The following KCNH5 variants were observed in gnomAD, a reference collection of about 807,000 sequenced individuals.
The protein encoded by KCNH5 is voltage-gated delayed rectifier potassium channel KCNH5.
KCNH5 carries 46 observed loss-of-function variants against 96.1 expected under a neutral mutation model. That is an observed-to-expected ratio of 0.48 (90% CI 0.38 to 0.61). The LOEUF is 0.61. Among genes scored for constraint, KCNH5 ranks in the 20% least tolerant of loss-of-function variants. The pLI, the probability that KCNH5 is intolerant of heterozygous loss-of-function variation, is 0.00. For synonymous variants in KCNH5, 439 were observed against 449.8 expected (o/e 0.98, Z 0.30); for missense variants, 907 against 1,225.8 (o/e 0.74, Z 3.88).
At chr14:62,884,519 G>T (rs1487671553) in intron 7 of KCNH5, among the ~76,000 whole-genome samples, 2 of 152,150 alleles carry the variant, frequency 1.3e-5, no homozygotes, top group Non-Finnish European at 2.9e-5. Flanking sequence ...TCAGCAACTT[G>T]AGAGGCTGAG....
chr14:63,013,329 CT>C (rs1321032228), intron 2 of KCNH5, among the ~76,000 whole-genome samples: 1 of 151,996 alleles, frequency 6.6e-6, no homozygotes, highest in Non-Finnish European at 1.5e-5. Context: ...AAAAATGATT[CT>C]TTTTTCTGAG....
At chr14:62,790,251 A>G (rs537367182) in intron 9 of KCNH5, among the ~76,000 whole-genome samples, 26 of 151,810 alleles carry the variant, frequency 1.7e-4, no homozygotes, top group African/African-American at 5.8e-4. Flanking sequence ...GTTCTGTTCT[A>G]CTGCTCCGTG....
At chr14:62,821,521 T>C (rs60265664) in intron 8 of KCNH5, among the ~76,000 whole-genome samples, 2,065 of 152,220 alleles carry the variant, frequency 0.014, 44 homozygotes, top group African/African-American at 0.047. Context: ...CTATCATCTT[T>C]TTGAAAGAGC....
chr14:62,754,625 C>A (rs1459331104), intron 10 of KCNH5, among the ~76,000 whole-genome samples: 1 of 151,966 alleles, frequency 6.6e-6, no homozygotes, highest in East Asian at 1.9e-4. Context: ...ATAATCCTAG[C>A]ACTTTGGGAG....
chr14:62,887,499 T>C (rs1888621016), intron 7 of KCNH5, among the ~76,000 whole-genome samples: 1 of 152,070 alleles, frequency 6.6e-6, no homozygotes, highest in Non-Finnish European at 1.5e-5. Context: ...TTGTGTATAT[T>C]TAACAAAAGA....
At chr14:62,884,557 C>T (rs1056844103) in intron 7 of KCNH5, among the ~76,000 whole-genome samples, 9 of 152,098 alleles carry the variant, frequency 5.9e-5, no homozygotes, top group Non-Finnish European at 1.2e-4. Context: ...ACCCGGGAGG[C>T]GGAGGTTGCA....
chr14:63,014,155 A>T lies in KCNH5; in HGVS notation c.197+2676T>A, dbSNP rs191162474. Among the ~76,000 whole-genome samples, 185 of 152,304 alleles carry T rather than the reference A, an allele frequency of 1.2e-3. 1 individual carries two copies. Among genetic ancestry groups the T allele is most frequent in the African/African-American group, 4.4e-3 (182 of 41,562 alleles). Reference sequence around the variant, plus strand: ...TTTGAAAACACTGTCTCTGATAAGTAAAGACAATTTGGGGAAAGACTCAAA... The same window carrying T: ...TTTGAAAACACTGTCTCTGATAAGTTAAGACAATTTGGGGAAAGACTCAAA... On this transcript the variant is annotated intron_variant, in intron 2 of 10. Coordinates refer to ENST00000322893, the MANE Select transcript of KCNH5 (RefSeq NM_139318.5).
chr14:62,896,087 A>G (rs1004579853), intron 7 of KCNH5, among the ~76,000 whole-genome samples: 5 of 152,222 alleles, frequency 3.3e-5, no homozygotes, highest in Non-Finnish European at 7.3e-5. Flanking sequence ...ATATATGTCC[A>G]GAAGCAGGGA....
chr14:62,789,392 G>C (rs553064216), intron 9 of KCNH5, among the ~76,000 whole-genome samples: 1 of 152,026 alleles, frequency 6.6e-6, no homozygotes, highest in South Asian at 2.1e-4. Flanking sequence ...AATAAACATG[G>C]GGGTGCAGAT....
intron 10 of KCNH5, among the ~76,000 whole-genome samples, chr14:62,760,813 C>T (rs1704187609): frequency 6.6e-6 from 1 of 152,198 alleles, no homozygotes; most frequent in Admixed American, 6.5e-5. Context: ...CACCTCCCAG[C>T]TGGGGAATAA....
intron 3 of KCNH5, among the ~76,000 whole-genome samples, chr14:63,003,017 T>A (rs1891039703): frequency 6.6e-6 from 1 of 152,006 alleles, no homozygotes; most frequent in Non-Finnish European, 1.5e-5. Flanking sequence ...CACAGTAAGC[T>A]TGAGGCAGAA....
intron 3 of KCNH5, among the ~76,000 whole-genome samples, chr14:63,003,731 T>C (rs1891073293): frequency 6.8e-6 from 1 of 147,850 alleles, no homozygotes; most frequent in Non-Finnish European, 1.5e-5. Flanking sequence ...GCCATTCTCC[T>C]GCCTCAGACT....
At chr14:62,985,539 G>T (rs116337451) in intron 5 of KCNH5, among the ~76,000 whole-genome samples, 61 of 152,268 alleles carry the variant, frequency 4.0e-4, no homozygotes, top group African/African-American at 1.4e-3. Flanking sequence ...TTTTGTGAGT[G>T]CAAACGTAGT....
intron 2 of KCNH5, among the ~76,000 whole-genome samples, chr14:63,012,425 C>G (rs1891246289): frequency 6.6e-6 from 1 of 152,054 alleles, no homozygotes; most frequent in African/African-American, 2.4e-5. Context: ...TATGACATAG[C>G]AAAAATGTAG....
At chr14:62,733,877 A>G (rs1885102134) in intron 10 of KCNH5, among the ~76,000 whole-genome samples, 1 of 152,100 alleles carries the variant, frequency 6.6e-6, no homozygotes, top group Non-Finnish European at 1.5e-5. Flanking sequence ...TCCTTGACCC[A>G]ATGCTCTTTT....
Position 62,707,637 on chromosome 14 carries a change from G to A in KCNH5, c.2838C>T (p.Ser946=), listed in dbSNP as rs763905666. The part of the protein sequence containing the change: ...AEILKILSEK[S]VPQASSPKSQ... The stretch of plus-strand genomic sequence containing the variant: ...ATTTGGGAGATGAGGCCTGGGGTAC[G>A]CTTTTTTCCGACAGTATTTTTAAAA... The change falls in exon 11 of 11, where the codon AGC becomes AGT. Residue 946 remains serine (S), a synonymous_variant. Coordinates refer to ENST00000322893, the MANE Select transcript of KCNH5 (RefSeq NM_139318.5). The A allele has an allele frequency of 8.2e-6, 13 of 1,581,020 alleles. No homozygotes were observed. Among genetic ancestry groups the A allele is most frequent in the Admixed American group, 1.7e-5 (1 of 57,636 alleles).
intron 5 of KCNH5, among the ~76,000 whole-genome samples, chr14:62,984,930 G>A (rs1890676863): frequency 6.6e-6 from 1 of 152,150 alleles, no homozygotes; most frequent in African/African-American, 2.4e-5. Flanking sequence ...CCTTTCACTT[G>A]TTGTCGCTCT....
rs568028206 is a variant in KCNH5 at position 62,897,712 on chromosome 14, T to TA, written c.1370-47861dup. 5.3e-5 allele frequency among the ~76,000 whole-genome samples: 8 copies of TA among 152,128 alleles called. No homozygotes were observed. In the South Asian group the frequency reaches 8.3e-4, roughly 16 times the overall value. On this transcript the variant is annotated intron_variant, in intron 7 of 10. Coordinates refer to ENST00000322893, the MANE Select transcript of KCNH5 (RefSeq NM_139318.5). ...TGAAAAAGGAAGAACACAGTTAGGT[T>TA]AAAAAAAATCAAATGAAAAATGAAA...
intron 3 of KCNH5, among the ~76,000 whole-genome samples, chr14:63,003,925 G>A (rs1891079037): frequency 6.6e-6 from 1 of 151,896 alleles, no homozygotes; most frequent in African/African-American, 2.4e-5. Flanking sequence ...CGGCCAGAAA[G>A]AGCTATCTTA....
Sources: gnomAD v4.1 joint callset for allele counts (sites outside exome capture counted in the v4.1 genomes callset) on GRCh38, gnomAD v4.1.1 for gene constraint, MANE v1.5 for transcripts, NCBI Gene and HGNC (gene_info 2026-07-23, HGNC 2026-07-21) for gene names.